The following PTPN12 variants were observed in gnomAD, a reference collection of about 807,000 sequenced individuals.
PTPN12 encodes tyrosine-protein phosphatase non-receptor type 12.
PTPN12 carries 29 observed loss-of-function variants against 97.6 expected under a neutral mutation model. The observed-to-expected ratio is 0.30, with a 90% CI of 0.22 to 0.41. PTPN12 has a LOEUF of 0.41. PTPN12 is among the 10% of genes least tolerant of loss of function. The probability of loss-of-function intolerance (pLI) is 1.00; values close to 1 mark genes in which losing one functional copy is unlikely to be tolerated. For synonymous variants in PTPN12, 327 were observed against 300.4 expected (o/e 1.09, Z -0.91); for missense variants, 819 against 926.0 (o/e 0.88, Z 1.50).
At chr7:77,626,569 T>G in intron 12 of PTPN12, 136 bp from the exon 13 acceptor site, 6 of 824,536 alleles carry the variant, frequency 7.3e-6, no homozygotes, top group Non-Finnish European at 1.1e-5. Context: ...TTAAATTTTC[T>G]TAGTCTGAAA....
chr7:77,635,942 G>C (rs1789574325), intron 15 of PTPN12, 93 bp downstream of exon 15: 1 of 779,100 alleles, frequency 1.3e-6, no homozygotes, highest in Non-Finnish European at 2.0e-6. Flanking sequence ...GTCATCTTAA[G>C]ATCGTTAAAT....
intron 6 of PTPN12, 118 bp downstream of exon 6, chr7:77,592,374 A>G (rs543835142): frequency 2.6e-5 from 22 of 831,904 alleles, no homozygotes; most frequent in South Asian, 2.0e-4. Flanking sequence ...TCACAAACCT[A>G]TGCTTACATT....
At chr7:77,597,324 T>C (rs1347666738) in intron 6 of PTPN12, among the ~76,000 whole-genome samples, 1 of 152,152 alleles carries the variant, frequency 6.6e-6, no homozygotes, top group Non-Finnish European at 1.5e-5. Context: ...GGTTTTACCA[T>C]GTTGGCCAGG....
intron 1 of PTPN12, among the ~76,000 whole-genome samples, chr7:77,554,566 TTTC>T (rs369803868): frequency 9.1e-4 from 138 of 152,348 alleles, no homozygotes; most frequent in African/African-American, 3.1e-3. Context: ...CTTTCTCTCA[TTTC>T]TTCTTCCTTT....
intron 2 of PTPN12, among the ~76,000 whole-genome samples, chr7:77,573,848 C>T (rs1387085972): frequency 6.6e-6 from 1 of 152,172 alleles, no homozygotes; most frequent in Non-Finnish European, 1.5e-5. Context: ...ATAACCTCTG[C>T]CTACCAGCTT....
At chr7:77,624,036 G>A (rs1014255362) in intron 12 of PTPN12, among the ~76,000 whole-genome samples, 4 of 152,136 alleles carry the variant, frequency 2.6e-5, no homozygotes, top group Non-Finnish European at 4.4e-5. Flanking sequence ...CATGGCAGGT[G>A]AATTGCTTAA....
At chr7:77,562,385 A>C (rs1808043701) in intron 1 of PTPN12, among the ~76,000 whole-genome samples, 1 of 152,128 alleles carries the variant, frequency 6.6e-6, no homozygotes, top group African/African-American at 2.4e-5. Context: ...CTATGAGATA[A>C]TGAGATTAGT....
At chr7:77,635,899 T>C (rs1789573032) in intron 15 of PTPN12, 50 bp downstream of exon 15, 3 of 1,250,230 alleles carry the variant, frequency 2.4e-6, no homozygotes, top group Non-Finnish European at 3.4e-6. Context: ...TTCTACTCTT[T>C]TGTTAACTAA....
At chr7:77,631,194 T>A (rs1014653871) in intron 13 of PTPN12, among the ~76,000 whole-genome samples, 1 of 152,164 alleles carries the variant, frequency 6.6e-6, no homozygotes, top group Non-Finnish European at 1.5e-5. Context: ...AGGTAGATAG[T>A]TCTTTAGTGG....
intron 8 of PTPN12, 162 bp downstream of exon 8, chr7:77,600,968 C>A: frequency 3.3e-6 from 2 of 603,834 alleles, no homozygotes; most frequent in South Asian, 2.2e-5. Context: ...ATTTGGTTGA[C>A]AGACCGTTTA....
chr7:77,582,064 T>C (rs1418340487), intron 3 of PTPN12, among the ~76,000 whole-genome samples: 2 of 148,932 alleles, frequency 1.3e-5, no homozygotes, highest in African/African-American at 4.9e-5. Context: ...GGATACCCTT[T>C]GATGAAAAGC....
At chr7:77,564,844 G>A (rs560778755) in intron 1 of PTPN12, among the ~76,000 whole-genome samples, 1 of 129,710 alleles carries the variant, frequency 7.7e-6, no homozygotes, top group African/African-American at 2.9e-5. Context: ...TGCAACCTCC[G>A]CCTTACTGGT....
chr7:77,621,573 G>A lies in PTPN12; in HGVS notation c.1025+3008G>A, dbSNP rs557267695. Among the ~76,000 whole-genome samples the A allele has an allele frequency of 1.2e-4, 18 of 152,066 alleles. No individual in the cohort carries two copies. The East Asian group carries it at 2.9e-3, about 25-fold the overall frequency. On this transcript the variant is annotated intron_variant, in intron 12 of 17. Coordinates refer to ENST00000248594, the MANE Select transcript of PTPN12 (RefSeq NM_002835.4). ...AGTCTCAGCTACTTGGGAGGCTAAG[G>A]CAAAAGAATTGCTTGAACCCGGGAA...
intron 1 of PTPN12, among the ~76,000 whole-genome samples, chr7:77,561,896 A>G (rs1325065161): frequency 6.6e-6 from 1 of 151,616 alleles, no homozygotes; most frequent in Admixed American, 6.6e-5. Flanking sequence ...GGTTCATGCC[A>G]TTCTCCTGCC....
chr7:77,616,182 C>T (rs1007460783), intron 11 of PTPN12, among the ~76,000 whole-genome samples: 4 of 152,194 alleles, frequency 2.6e-5, no homozygotes, highest in Non-Finnish European at 4.4e-5. Context: ...AATCCTCATT[C>T]ATTTTTTGTC....
At chr7:77,566,719 G>C (rs1808277338) in intron 1 of PTPN12, among the ~76,000 whole-genome samples, 1 of 152,128 alleles carries the variant, frequency 6.6e-6, no homozygotes, top group South Asian at 2.1e-4. Context: ...GTGAGTCCCT[G>C]TCTCAATAAA....
intron 3 of PTPN12, 104 bp downstream of exon 3, chr7:77,581,607 A>C: frequency 1.8e-6 from 1 of 547,504 alleles, no homozygotes; most frequent in Non-Finnish European, 3.1e-6. Flanking sequence ...ACCAACAGCA[A>C]AAGAAATAAA....
intron 12 of PTPN12, among the ~76,000 whole-genome samples, chr7:77,625,565 CTTTTTTTTTTTTTT>C (rs1179793825): frequency 4.1e-5 from 1 of 24,152 alleles, no homozygotes; most frequent in Non-Finnish European, 6.3e-5. Context: ...CTCTCTCTCT[CTTTTTTTTTTTTTT>C]TTTTTTTTTG....
At chr7:77,552,230 C>T (rs1329213378) in intron 1 of PTPN12, among the ~76,000 whole-genome samples, 1 of 152,152 alleles carries the variant, frequency 6.6e-6, no homozygotes, top group Non-Finnish European at 1.5e-5. Flanking sequence ...GATCCGCCTG[C>T]CTTAGCCTCC....
Sources: gnomAD v4.1 joint callset for allele counts (sites outside exome capture counted in the v4.1 genomes callset) on GRCh38, gnomAD v4.1.1 for gene constraint, MANE v1.5 for transcripts, NCBI Gene and HGNC (gene_info 2026-07-23, HGNC 2026-07-21) for gene names.